The following DLG2 variants were observed in gnomAD, a reference collection of about 807,000 sequenced individuals.
The protein encoded by DLG2 is discs large MAGUK scaffold protein 2.
Under a neutral mutation model 132.5 loss-of-function variants are expected in DLG2, and 45 were observed. That is an observed-to-expected ratio of 0.34 (90% CI 0.27 to 0.44). The LOEUF (loss-of-function observed/expected upper bound fraction) is 0.44, where lower values mean the gene tolerates loss of function less well. DLG2 is among the 20% of genes least tolerant of loss of function. The pLI, the probability that DLG2 is intolerant of heterozygous loss-of-function variation, is 1.00. For synonymous variants in DLG2, 424 were observed against 419.6 expected (o/e 1.01, Z -0.13); for missense variants, 1,045 against 1,196.9 (o/e 0.87, Z 1.87).
At chr11:83,571,709 G>C (rs2096800477) in intron 19 of DLG2, among the ~76,000 whole-genome samples, 1 of 151,994 alleles carries the variant, frequency 6.6e-6, no homozygotes, top group Non-Finnish European at 1.5e-5. Context: ...GACTGAAACT[G>C]TTCATTGCAT....
At chr11:83,982,590 GTCAAAAAGT>G (rs1006602530) in intron 11 of DLG2, among the ~76,000 whole-genome samples, 2 of 151,636 alleles carry the variant, frequency 1.3e-5, no homozygotes, top group African/African-American at 4.8e-5. Context: ...TTACAAAAGA[GTCAAAAAGT>G]TCATAAAGTA....
intron 4 of DLG2, among the ~76,000 whole-genome samples, chr11:85,238,689 T>G (rs1385173851): frequency 6.6e-6 from 1 of 152,080 alleles, no homozygotes; most frequent in Non-Finnish European, 1.5e-5. Flanking sequence ...TATATTAGAG[T>G]CTTTAGGTAT....
intron 6 of DLG2, among the ~76,000 whole-genome samples, chr11:84,858,874 T>A (rs2083163800): frequency 6.6e-6 from 1 of 152,058 alleles, no homozygotes; most frequent in Admixed American, 6.6e-5. Flanking sequence ...AATAAAAATA[T>A]ACACATTTTA....
At chr11:83,515,563 T>C (rs1453381962) in intron 21 of DLG2, among the ~76,000 whole-genome samples, 2 of 152,206 alleles carry the variant, frequency 1.3e-5, no homozygotes, top group Non-Finnish European at 2.9e-5. Flanking sequence ...CACCTTCTGA[T>C]AACTTTTGAA....
chr11:83,752,407 G>A (rs758755545), intron 18 of DLG2, among the ~76,000 whole-genome samples: 3 of 152,164 alleles, frequency 2.0e-5, no homozygotes, highest in Admixed American at 1.3e-4. Flanking sequence ...AATCATCCAA[G>A]TATGAATCAT....
chr11:84,871,900 C>T (rs1007046292), intron 6 of DLG2, among the ~76,000 whole-genome samples: 4 of 152,100 alleles, frequency 2.6e-5, no homozygotes, highest in African/African-American at 9.7e-5. Flanking sequence ...CTCTCAAACT[C>T]CTGACCTCAG....
chr11:83,760,995 G>C (rs2093882408), intron 18 of DLG2, among the ~76,000 whole-genome samples: 1 of 152,116 alleles, frequency 6.6e-6, no homozygotes, highest in Non-Finnish European at 1.5e-5. Context: ...TCAAGGTTTA[G>C]CCAAATTTTT....
chr11:85,617,270 G>C (rs1378256809), intron 2 of DLG2, among the ~76,000 whole-genome samples: 4 of 152,154 alleles, frequency 2.6e-5, no homozygotes, highest in Non-Finnish European at 5.9e-5. Context: ...TGATTATATA[G>C]TTCAAGGCCA....
intron 7 of DLG2, among the ~76,000 whole-genome samples, chr11:84,290,386 G>A (rs1206773794): frequency 6.6e-6 from 1 of 152,084 alleles, no homozygotes; most frequent in Non-Finnish European, 1.5e-5. Flanking sequence ...TATGAGGTGT[G>A]TATGACCAAA....
At chr11:84,044,962 G>A (rs759012786) in intron 11 of DLG2, among the ~76,000 whole-genome samples, 2 of 151,714 alleles carry the variant, frequency 1.3e-5, no homozygotes, top group African/African-American at 2.4e-5. Flanking sequence ...ATTGCATTAA[G>A]TTGTGCTCCA....
At chr11:83,513,525 T>G (rs1018607976) in intron 21 of DLG2, among the ~76,000 whole-genome samples, 2 of 152,216 alleles carry the variant, frequency 1.3e-5, no homozygotes, top group African/African-American at 2.4e-5. Flanking sequence ...AGAAGCTCTT[T>G]AGTTTAATTA....
chr11:84,189,501 A>G (rs563492926), intron 8 of DLG2, among the ~76,000 whole-genome samples: 5 of 152,292 alleles, frequency 3.3e-5, no homozygotes, highest in African/African-American at 9.6e-5. Context: ...AAATCATTCT[A>G]TTATAAAGAT....
At chr11:84,298,425 G>C (rs1215182116) in intron 7 of DLG2, among the ~76,000 whole-genome samples, 2 of 152,114 alleles carry the variant, frequency 1.3e-5, no homozygotes, top group Non-Finnish European at 2.9e-5. Flanking sequence ...CCCAATCACA[G>C]TGTTACCTAA....
chr11:85,257,189 T>G (rs894294693), intron 4 of DLG2, among the ~76,000 whole-genome samples: 1 of 152,126 alleles, frequency 6.6e-6, no homozygotes, highest in Non-Finnish European at 1.5e-5. Context: ...TACTTAGTTA[T>G]GGAAAGGCAA....
At chr11:85,166,782 T>C (rs1482172166) in intron 4 of DLG2, among the ~76,000 whole-genome samples, 1 of 152,178 alleles carries the variant, frequency 6.6e-6, no homozygotes, top group African/African-American at 2.4e-5. Context: ...TGAATGCCCA[T>C]AGATATTAAG....
chr11:84,810,022 G>C (rs2076394481), intron 6 of DLG2, among the ~76,000 whole-genome samples: 2 of 151,828 alleles, frequency 1.3e-5, no homozygotes, highest in Non-Finnish European at 2.9e-5. Flanking sequence ...AGCAAAAATA[G>C]AAATAAAATA....
intron 18 of DLG2, among the ~76,000 whole-genome samples, chr11:83,736,451 A>G (rs951294906): frequency 2.6e-5 from 4 of 152,296 alleles, no homozygotes; most frequent in East Asian, 1.9e-4. Flanking sequence ...ACAAAAAAAA[A>G]AGAGAAAGAT....
At chr11:84,239,989 C>T (rs926955595) in intron 8 of DLG2, among the ~76,000 whole-genome samples, 2 of 152,174 alleles carry the variant, frequency 1.3e-5, no homozygotes, top group East Asian at 3.8e-4. Context: ...TATCTGAGCC[C>T]AGGGCATCTC....
At chr11:83,888,439 T>C (rs11233782) in intron 15 of DLG2, among the ~76,000 whole-genome samples, 41,565 of 151,346 alleles carry the variant, frequency 0.27, 5,964 homozygotes, top group East Asian at 0.4. Flanking sequence ...CACTGCTCAA[T>C]GAAATAAAAG....
Sources: gnomAD v4.1 joint callset for allele counts (sites outside exome capture counted in the v4.1 genomes callset) on GRCh38, gnomAD v4.1.1 for gene constraint, MANE v1.5 for transcripts, NCBI Gene and HGNC (gene_info 2026-07-23, HGNC 2026-07-21) for gene names.